The following ALK variants were observed in gnomAD, a reference collection of about 807,000 sequenced individuals.
ALK encodes ALK receptor tyrosine kinase.
Under a neutral mutation model 163.1 loss-of-function variants are expected in ALK, and 74 were observed. The observed-to-expected ratio is 0.45, with a 90% CI of 0.38 to 0.55. ALK has a LOEUF of 0.55. Ranked by LOEUF, ALK falls within the 20% of genes least tolerant of loss-of-function variation. The pLI is 0.00. For synonymous variants in ALK, 960 were observed against 843.2 expected (o/e 1.14, Z -2.40); for missense variants, 2,063 against 2,105.3 (o/e 0.98, Z 0.39).
chr2:29,203,117 C>A (rs1014033930), intron 26 of ALK, among the ~76,000 whole-genome samples: 1 of 152,056 alleles, frequency 6.6e-6, no homozygotes, highest in African/African-American at 2.4e-5. Flanking sequence ...AGGTGGGGGC[C>A]GAGGATTCGC....
At chr2:29,779,084 A>G (rs952531791) in intron 1 of ALK, among the ~76,000 whole-genome samples, 2 of 152,082 alleles carry the variant, frequency 1.3e-5, no homozygotes, top group South Asian at 2.1e-4. Context: ...GGAACCTGGG[A>G]GGCGGAGCTT....
At chr2:29,564,459 G>A (rs1161603389) in intron 3 of ALK, among the ~76,000 whole-genome samples, 1 of 148,880 alleles carries the variant, frequency 6.7e-6, no homozygotes, top group African/African-American at 2.5e-5. Context: ...CGCCACCCTT[G>A]TAAGAGAAGA....
At chr2:29,513,019 A>T (rs1355241832) in intron 4 of ALK, among the ~76,000 whole-genome samples, 2 of 151,624 alleles carry the variant, frequency 1.3e-5, no homozygotes, top group African/African-American at 4.9e-5. Flanking sequence ...CAAATGGAAG[A>T]ACATTCCATG....
chr2:29,679,738 G>A (rs58914012), intron 3 of ALK, among the ~76,000 whole-genome samples: 102,464 of 151,254 alleles, frequency 0.68, 36,986 homozygotes, highest in Non-Finnish European at 0.8. Context: ...ATAAGAAAAA[G>A]GTTGTTTAAG....
At chr2:29,695,977 C>T (rs1321496521) in intron 2 of ALK, among the ~76,000 whole-genome samples, 1 of 152,186 alleles carries the variant, frequency 6.6e-6, no homozygotes, top group South Asian at 2.1e-4. Flanking sequence ...GGATCTAGAA[C>T]CAGAAATACC....
At chr2:29,522,030 A>C (rs1157023054) in intron 4 of ALK, among the ~76,000 whole-genome samples, 1 of 152,222 alleles carries the variant, frequency 6.6e-6, no homozygotes, top group Non-Finnish European at 1.5e-5. Context: ...TATGCACACC[A>C]TAGAAAAATG....
chr2:29,863,092 G>T (rs1241932061), intron 1 of ALK, among the ~76,000 whole-genome samples: 1 of 152,058 alleles, frequency 6.6e-6, no homozygotes, highest in African/African-American at 2.4e-5. Flanking sequence ...TCTTTATCTC[G>T]CCCCATATAC....
chr2:29,549,162 G>A (rs79895650), intron 3 of ALK, among the ~76,000 whole-genome samples: 166 of 103,802 alleles, frequency 1.6e-3, no homozygotes, highest in African/African-American at 4.4e-3. Flanking sequence ...ACACACACAC[G>A]CACACACACA....
chr2:29,209,756 G>A lies in ALK; in HGVS notation c.3836+30C>T, dbSNP rs752248378. On this transcript the variant is annotated intron_variant, in intron 25 of 28. Transcript: ENST00000389048. ...TGAGGGGCTGAGGTGGAAGAGACAG[G>A]CCCGGAGGGGTGAGGCAGTCTTTAC... The A allele has an allele frequency of 1.2e-5, 18 of 1,552,536 alleles. No homozygotes were observed. In the Admixed American group the frequency reaches 2.8e-4, roughly 24 times the overall value.
intron 3 of ALK, among the ~76,000 whole-genome samples, chr2:29,597,946 T>C (rs942162693): frequency 6.6e-6 from 1 of 152,202 alleles, no homozygotes; most frequent in Non-Finnish European, 1.5e-5. Flanking sequence ...CAAGGGAGGC[T>C]GGCCAATGTG....
At chr2:29,388,603 T>C (rs902046741) in intron 4 of ALK, among the ~76,000 whole-genome samples, 2 of 152,194 alleles carry the variant, frequency 1.3e-5, no homozygotes, top group Non-Finnish European at 2.9e-5. Flanking sequence ...TGCTGGATTG[T>C]TGTAAGGATT....
chr2:29,904,788 C>T (rs1486150441), intron 1 of ALK, among the ~76,000 whole-genome samples: 1 of 152,140 alleles, frequency 6.6e-6, no homozygotes, highest in Non-Finnish European at 1.5e-5. Context: ...TTCAGAAGTA[C>T]AGGGGTTAAC....
chr2:29,907,025 C>T (rs766488868), intron 1 of ALK: 2 of 135,394 alleles, frequency 1.5e-5, no homozygotes, highest in Admixed American at 1.7e-4. Flanking sequence ...TCTCAGCTCA[C>T]TGCAAGCTCC....
chr2:29,603,500 G>C (rs1305516667), intron 3 of ALK, among the ~76,000 whole-genome samples: 2 of 152,126 alleles, frequency 1.3e-5, no homozygotes, highest in Non-Finnish European at 2.9e-5. Flanking sequence ...CTGTTTTCAT[G>C]TTAATGCCAG....
At position 29,920,759 on chromosome 2, in the gene ALK, G is replaced by T; in HGVS notation, c.-100C>A. On this transcript the variant is annotated 5_prime_UTR_variant, in exon 1 of 29. Coordinates refer to ENST00000389048, the MANE Select transcript of ALK (RefSeq NM_004304.5). ...CTCTGAACAGTCCTTGGTACCCAGCGGCTCCTTCCACCTGATCTCCAGAGG... is the reference window on the plus strand; with the variant it reads ...CTCTGAACAGTCCTTGGTACCCAGCTGCTCCTTCCACCTGATCTCCAGAGG... 9.0e-7 allele frequency: 1 copy of T among 1,114,548 alleles called. No homozygotes were observed. The highest frequency in any genetic ancestry group is 1.3e-6 in the Non-Finnish European group (1 of 779,072). The allele number at this position is 1,114,548 out of a possible 1,614,324, so 69.0% of individuals were successfully genotyped here.
At position 29,694,995 on chromosome 2, in the gene ALK, G is replaced by A. The variant is rs2148290020; in HGVS notation, c.807C>T (p.Asp269=). The A allele has an allele frequency of 6.2e-7, 1 of 1,614,066 alleles. No homozygotes were observed. Among genetic ancestry groups the A allele is most frequent in the Middle Eastern group, 1.6e-4 (1 of 6,062 alleles). ...GGGAATACTCCAGCTCACAGGGGAA[G>A]TCAAAGCTGCACTCCAGACCTGCAA... ...RSRYGLECSF[D]FPCELEYSPP... The change falls in exon 3 of 29, where the codon GAC becomes GAT. Residue 269 remains aspartate, a synonymous_variant. Transcript: ENST00000389048.
chr2:29,875,402 CT>C (rs995600335), intron 1 of ALK, among the ~76,000 whole-genome samples: 3 of 152,092 alleles, frequency 2.0e-5, no homozygotes, highest in African/African-American at 4.8e-5. Flanking sequence ...TAAAATATTT[CT>C]TTTTTTACCA....
intron 1 of ALK, among the ~76,000 whole-genome samples, chr2:29,859,544 G>A (rs1241135622): frequency 6.6e-6 from 1 of 152,208 alleles, no homozygotes; most frequent in Non-Finnish European, 1.5e-5. Context: ...GAAGTATAGT[G>A]AGTGGGCCAC....
chr2:29,530,309 G>C (rs1352050042), intron 4 of ALK, among the ~76,000 whole-genome samples: 4 of 152,178 alleles, frequency 2.6e-5, no homozygotes, highest in African/African-American at 4.8e-5. Context: ...CATACCCGAG[G>C]AGTTATTTTC....
Sources: gnomAD v4.1 joint callset for allele counts (sites outside exome capture counted in the v4.1 genomes callset) on GRCh38, gnomAD v4.1.1 for gene constraint, MANE v1.5 for transcripts, NCBI Gene and HGNC (gene_info 2026-07-23, HGNC 2026-07-21) for gene names.